The following MICAL2 variants were observed in gnomAD, a reference collection of about 807,000 sequenced individuals.
MICAL2 encodes microtubule associated monooxygenase, calponin and LIM domain containing 2, also known as [F-actin]-monooxygenase MICAL2.
A neutral mutation model predicts 127.3 loss-of-function variants in MICAL2; 77 were observed. The observed-to-expected ratio is 0.60, with a 90% CI of 0.50 to 0.73. MICAL2 has a LOEUF of 0.73. Among genes scored for constraint, MICAL2 ranks in the 30% least tolerant of loss-of-function variants. The pLI is 0.00. For missense variants in MICAL2, 1,351 were observed against 1,434.4 expected (o/e 0.94, Z 0.94); for synonymous variants, 570 against 551.1 (o/e 1.03, Z -0.48).
downstream of MICAL2, among the ~76,000 whole-genome samples, chr11:12,288,314 G>C (rs150949359): frequency 1.6e-3 from 237 of 152,302 alleles, no homozygotes; most frequent in African/African-American, 5.4e-3. Flanking sequence ...GCCCAGGCCC[G>C]GACTATATGA....
At position 12,162,297 on chromosome 11, in the gene MICAL2, A is replaced by G. The variant is rs1402308974; in HGVS notation, c.142A>G (p.Asn48Asp). 1 of 1,614,116 alleles carries G rather than the reference A, an allele frequency of 6.2e-7. No individual in the cohort carries two copies. The highest frequency in any genetic ancestry group is 8.5e-7 in the Non-Finnish European group (1 of 1,180,044). ...HLDLDPLDHR[N>D]FYSKLKSKVT... is the part of the protein sequence containing the mutation. ...GGACCTAGACCCTCTGGACCACAGA[A>G]ACTTTTATTCCAAGCTCAAGTCCAA... Residue 48 changes from asparagine to aspartate, a missense_variant, in exon 3 of 28, where the codon AAC (asparagine) becomes GAC (aspartate). By Grantham distance (23) the Asn-to-Asp change is conservative. This residue lies in a region of MICAL2 where 599 missense variants were observed against 714.9 expected (regional missense o/e 0.84). Transcript: ENST00000683283.
chr11:12,212,607 C>A (rs1855625293), intron 6 of MICAL2, among the ~76,000 whole-genome samples: 1 of 151,852 alleles, frequency 6.6e-6, no homozygotes, highest in South Asian at 2.1e-4. Flanking sequence ...TTTCAAAGGA[C>A]ACCAGTCATA....
chr11:12,111,403 T>G (rs1374225740), intron 1 of MICAL2, among the ~76,000 whole-genome samples: 1 of 151,844 alleles, frequency 6.6e-6, no homozygotes, highest in Non-Finnish European at 1.5e-5. Flanking sequence ...ACCCTGTAGG[T>G]GCCTGGCTGG....
intron 12 of MICAL2, chr11:12,224,399 T>A (rs867608865): frequency 7.5e-6 from 3 of 400,440 alleles, no homozygotes; most frequent in South Asian, 5.0e-5. Context: ...CCCCACTAGA[T>A]GAGCATGTTG....
chr11:12,165,757 C>G (rs559821339), intron 3 of MICAL2, among the ~76,000 whole-genome samples: 3 of 152,306 alleles, frequency 2.0e-5, no homozygotes, highest in Admixed American at 1.3e-4. Context: ...GATTGGGGAC[C>G]AGGATCTATT....
chr11:12,221,518 C>G (rs2134274052), intron 9 of MICAL2, 126 bp from the exon 10 acceptor site: 2 of 612,410 alleles, frequency 3.3e-6, no homozygotes, highest in East Asian at 2.9e-5. Context: ...AGGGTCCCTG[C>G]CCTGTCACCT....
At chr11:12,345,132 A>G (rs908291909) in intron 32 of MICAL2, among the ~76,000 whole-genome samples, 2 of 147,938 alleles carry the variant, frequency 1.4e-5, no homozygotes, top group African/African-American at 5.3e-5. Flanking sequence ...AAAAAAGAAA[A>G]AAGAAAGAAA....
At chr11:12,297,189 T>G (rs957300999), downstream of MICAL2, among the ~76,000 whole-genome samples, 2 of 152,192 alleles carry the variant, frequency 1.3e-5, no homozygotes. Flanking sequence ...AGAACTCGAT[T>G]TCTACATTTG....
At chr11:12,189,881 C>G (rs1464297584) in intron 3 of MICAL2, among the ~76,000 whole-genome samples, 2 of 152,204 alleles carry the variant, frequency 1.3e-5, no homozygotes, top group Non-Finnish European at 2.9e-5. Context: ...GAAATTTGCC[C>G]TTAAAGATGC....
chr11:12,347,746 C>T (rs534515107), intron 32 of MICAL2, among the ~76,000 whole-genome samples: 1 of 152,070 alleles, frequency 6.6e-6, no homozygotes, highest in Non-Finnish European at 1.5e-5. Context: ...ACGTATACTA[C>T]AGGATGTGTA....
rs1432339532 is a variant in MICAL2, at chr11:12,213,245, C to G, written c.692-10C>G. On this transcript the variant is annotated splice_polypyrimidine_tract_variant and intron_variant, in intron 6 of 27. Coordinates refer to ENST00000683283, the MANE Select transcript of MICAL2 (RefSeq NM_001282663.2). Reference sequence around the variant, plus strand: ...AAGATAGACCCACTTTTTCATTTCTCCTCATGCAGGGTTCAGAAGAAAAGA... The same window carrying G: ...AAGATAGACCCACTTTTTCATTTCTGCTCATGCAGGGTTCAGAAGAAAAGA... 6.3e-7 allele frequency: 1 copy of G among 1,592,388 alleles called. No individual in the cohort carries two copies. The highest frequency in any genetic ancestry group is 1.4e-5 in the African/African-American group (1 of 73,698).
At chr11:12,262,421 A>T in intron 26 of MICAL2, 59 bp from the exon 27 acceptor site, 1 of 1,606,532 alleles carries the variant, frequency 6.2e-7, no homozygotes, top group Non-Finnish European at 8.5e-7. Context: ...TTTTTTCCCC[A>T]CACTAAGCTC....
downstream of MICAL2, among the ~76,000 whole-genome samples, chr11:12,295,722 A>C (rs186076309): frequency 4.6e-5 from 7 of 152,172 alleles, no homozygotes; most frequent in East Asian, 1.4e-3. Flanking sequence ...TTTAAAAGTC[A>C]ACATTATATC....
chr11:12,355,294 C>G (rs976227916), intron 34 of MICAL2, among the ~76,000 whole-genome samples: 1 of 152,100 alleles, frequency 6.6e-6, no homozygotes, highest in South Asian at 2.1e-4. Context: ...CAGAGAAAGG[C>G]GGGCCTAGTG....
chr11:12,253,724 G>T (rs554907477), intron 22 of MICAL2: 1 of 152,432 alleles, frequency 6.6e-6, no homozygotes, highest in South Asian at 2.1e-4. Flanking sequence ...GAACAGCCAG[G>T]TGAGGAGAGG....
chr11:12,169,915 A>G (rs1458896400), intron 3 of MICAL2, among the ~76,000 whole-genome samples: 3 of 152,206 alleles, frequency 2.0e-5, no homozygotes, highest in African/African-American at 7.2e-5. Flanking sequence ...AAGAGAGTGC[A>G]GTAAGATGTT....
chr11:12,300,868 C>T (rs1405493057), intron 29 of MICAL2, among the ~76,000 whole-genome samples: 2 of 152,120 alleles, frequency 1.3e-5, no homozygotes, highest in African/African-American at 4.8e-5. Flanking sequence ...GGAATTGGTT[C>T]CACAACAATA....
intron 3 of MICAL2, among the ~76,000 whole-genome samples, chr11:12,190,347 G>A (rs537511934): frequency 2.9e-4 from 44 of 152,262 alleles, no homozygotes; most frequent in African/African-American, 1.0e-3. Flanking sequence ...GATATCAGAT[G>A]TGTATCCAAC....
chr11:12,137,519 G>A (rs185841567), intron 1 of MICAL2, among the ~76,000 whole-genome samples: 24 of 152,252 alleles, frequency 1.6e-4, no homozygotes, highest in Admixed American at 1.2e-3. Flanking sequence ...TCCCATTAAC[G>A]GGCTGAGAAT....
Sources: gnomAD v4.1 joint callset for allele counts (sites outside exome capture counted in the v4.1 genomes callset) on GRCh38, gnomAD v4.1.1 for gene constraint, gnomAD v4.1.1 regional missense constraint, MANE v1.5 for transcripts, NCBI Gene and HGNC (gene_info 2026-07-23, HGNC 2026-07-21) for gene names.